The following CAMSAP2 variants were observed in gnomAD, a reference collection of about 807,000 sequenced individuals.
CAMSAP2 encodes calmodulin regulated spectrin associated protein family member 2.
CAMSAP2 carries 26 observed loss-of-function variants against 146.1 expected under a neutral mutation model. That is an observed-to-expected ratio of 0.18 (90% CI 0.13 to 0.25). The LOEUF is 0.25. Ranked by LOEUF, CAMSAP2 falls within the 10% of genes least tolerant of loss-of-function variation. The pLI, the probability that CAMSAP2 is intolerant of heterozygous loss-of-function variation, is 1.00. For missense variants in CAMSAP2, 1,381 were observed against 1,759.3 expected (o/e 0.78, Z 3.85); for synonymous variants, 499 against 596.6 (o/e 0.84, Z 2.38).
chr1:200,810,682 A>G (rs1037902141), intron 3 of CAMSAP2, among the ~76,000 whole-genome samples: 3 of 151,860 alleles, frequency 2.0e-5, no homozygotes. Flanking sequence ...TCAGGTCAGG[A>G]GTCGGAGACC....
chr1:200,764,028 G>A (rs567893616), intron 2 of CAMSAP2, among the ~76,000 whole-genome samples: 1 of 152,154 alleles, frequency 6.6e-6, no homozygotes, highest in African/African-American at 2.4e-5. Context: ...CCGAGATTGC[G>A]CCACTGCACT....
chr1:200,769,961 C>G (rs573456188), intron 2 of CAMSAP2, among the ~76,000 whole-genome samples: 1 of 152,234 alleles, frequency 6.6e-6, no homozygotes, highest in African/African-American at 2.4e-5. Context: ...GCCTAACACA[C>G]CCAAGATTAT....
At chr1:200,751,779 G>A (rs1453498368) in intron 1 of CAMSAP2, among the ~76,000 whole-genome samples, 1 of 152,122 alleles carries the variant, frequency 6.6e-6, no homozygotes, top group African/African-American at 2.4e-5. Context: ...CCTGGAATGA[G>A]GTAATTAAGA....
intron 2 of CAMSAP2, among the ~76,000 whole-genome samples, chr1:200,763,284 A>G (rs374434270): frequency 5.3e-5 from 8 of 152,282 alleles, no homozygotes; most frequent in African/African-American, 1.7e-4. Flanking sequence ...CACGCCTGTA[A>G]TCCCAGCACT....
intron 2 of CAMSAP2, among the ~76,000 whole-genome samples, chr1:200,788,384 A>AT (rs1474329450): frequency 6.6e-6 from 1 of 152,044 alleles, no homozygotes; most frequent in Non-Finnish European, 1.5e-5. Flanking sequence ...TTCAGCTCCT[A>AT]TAGGTATATA....
chr1:200,811,365 C>G (rs1666326966), intron 3 of CAMSAP2, among the ~76,000 whole-genome samples: 1 of 152,136 alleles, frequency 6.6e-6, no homozygotes, highest in African/African-American at 2.4e-5. Flanking sequence ...TGGGCCTCCC[C>G]CATTACCCTT....
intron 3 of CAMSAP2, among the ~76,000 whole-genome samples, chr1:200,814,828 TTAA>T (rs1171633533): frequency 4.6e-5 from 7 of 152,104 alleles, no homozygotes; most frequent in Non-Finnish European, 7.4e-5. Flanking sequence ...GCTAATGGCA[TTAA>T]TATTTTCTAC....
chr1:200,797,928 A>G (rs1415083091), intron 2 of CAMSAP2, among the ~76,000 whole-genome samples: 1 of 151,972 alleles, frequency 6.6e-6, no homozygotes, highest in Non-Finnish European at 1.5e-5. Flanking sequence ...TTAAATAGGG[A>G]ATCCTTTCCC....
At position 200,832,896 on chromosome 1, in the gene CAMSAP2, T is replaced by A; in HGVS notation, c.927+51T>A. 6.7e-7 allele frequency: 1 copy of A among 1,495,874 alleles called. No individual in the cohort carries two copies. The highest frequency in any genetic ancestry group is 1.8e-4 in the Middle Eastern group (1 of 5,610). 92.7% of individuals were successfully genotyped at this position (1,495,874 alleles called of 1,614,324 possible). A position where few individuals can be genotyped will look rare whatever the true frequency, so the allele number is the denominator to read the frequency against. ...CTTTGCTTTGTTAAAATATGTTTTT[T>A]TAAAAAACAAACAAAAACACCGGGA... On this transcript the variant is annotated intron_variant, in intron 6 of 16. Transcript: ENST00000358823. The surrounding 1 kb of genome is among the most constrained non-coding windows in gnomAD (Gnocchi z 4.2).
chr1:200,761,038 T>C lies in CAMSAP2; in HGVS notation c.339T>C (p.Tyr113=). 6.2e-7 allele frequency: 1 copy of C among 1,614,134 alleles called. No individual in the cohort carries two copies. The highest frequency in any genetic ancestry group is 1.1e-5 in the South Asian group (1 of 91,082). ...VIQALAQKGL[Y]VTDQEKLVTE... is the part of the protein sequence containing the mutation. ...AGGCTTTAGCACAGAAAGGTCTTTA[T>C]GTCACTGACCAGGAAAAATTGGTAA... The change falls in exon 2 of 17, where the codon TAT becomes TAC. Residue 113 remains tyrosine, a synonymous_variant. Transcript: ENST00000358823.
intron 3 of CAMSAP2, among the ~76,000 whole-genome samples, chr1:200,811,908 C>G (rs530445822): frequency 6.6e-6 from 1 of 152,260 alleles, no homozygotes; most frequent in East Asian, 1.9e-4. Context: ...TGCCCTTTCT[C>G]ACCTCTGAAC....
Position 200,849,388 on chromosome 1 carries a change from TGAA to T in CAMSAP2, c.2621_2623del (p.Glu874del). Reference sequence around the variant, plus strand: ...CAAGCCCCTCAGAAGAAACTTTAAATGAAGGAGAGATTTTAGAATATACCAAAT... The same window carrying T: ...CAAGCCCCTCAGAAGAAACTTTAAATGGAGAGATTTTAGAATATACCAAAT... On this transcript the variant is annotated inframe_deletion, in exon 11 of 17. Coordinates refer to ENST00000358823, the MANE Select transcript of CAMSAP2 (RefSeq NM_203459.4). The surrounding 1 kb of genome is among the most constrained non-coding windows in gnomAD (Gnocchi z 6.3). 2.5e-6 allele frequency: 4 copies of T among 1,614,052 alleles called. No homozygotes were observed. Among genetic ancestry groups the T allele is most frequent in the Non-Finnish European group, 3.4e-6 (4 of 1,179,982 alleles).
At position 200,845,826 on chromosome 1, in the gene CAMSAP2, T is replaced by C. The variant is rs537108990; in HGVS notation, c.1109+957T>C. ...AATATTTATTACAATATTAAATCTT[T>C]AATGTTTTAGTACATAGTATTAGGA... On this transcript the variant is annotated intron_variant, in intron 8 of 16. Transcript: ENST00000358823. Among the ~76,000 whole-genome samples, 5 of 152,326 alleles carry C rather than the reference T, an allele frequency of 3.3e-5. No homozygotes were observed. The East Asian group carries it at 9.6e-4, about 29-fold the overall frequency.
At chr1:200,774,876 A>C (rs899893938) in intron 2 of CAMSAP2, among the ~76,000 whole-genome samples, 1 of 152,232 alleles carries the variant, frequency 6.6e-6, no homozygotes, top group African/African-American at 2.4e-5. Flanking sequence ...ACATTTATTT[A>C]CCATATAATA....
Position 200,793,570 on chromosome 1 carries a change from G to C in CAMSAP2, c.400-13806G>C, listed in dbSNP as rs760373693. ...TGCTGCAGAGAAAGCTGCCTTGTTT[G>C]GATATTACTGATGGTAGGACAGTAT... On this transcript the variant is annotated intron_variant, in intron 2 of 16. Transcript: ENST00000358823. 3.6e-4 allele frequency among the ~76,000 whole-genome samples: 55 copies of C among 152,004 alleles called. 1 individual carries two copies. The highest frequency in any genetic ancestry group is 1.8e-4 in the Non-Finnish European group (12 of 67,994).
At chr1:200,774,741 A>G (rs1264410326) in intron 2 of CAMSAP2, among the ~76,000 whole-genome samples, 1 of 152,238 alleles carries the variant, frequency 6.6e-6, no homozygotes, top group Non-Finnish European at 1.5e-5. Context: ...GACAGAGGGA[A>G]TAAATACGAA....
chr1:200,814,609 CAAAA>C (rs1204730822), intron 3 of CAMSAP2, among the ~76,000 whole-genome samples: 4 of 24,130 alleles, frequency 1.7e-4, no homozygotes, highest in African/African-American at 1.7e-4. Flanking sequence ...GATTGCATCC[CAAAA>C]AAAAAAAAAA....
At chr1:200,819,398 T>A (rs1666690438) in intron 4 of CAMSAP2, among the ~76,000 whole-genome samples, 1 of 152,214 alleles carries the variant, frequency 6.6e-6, no homozygotes, top group Non-Finnish European at 1.5e-5. Flanking sequence ...CACAGGTGTC[T>A]TGTATTGTGT....
At chr1:200,749,524 G>A (rs191173879) in intron 1 of CAMSAP2, among the ~76,000 whole-genome samples, 1 of 152,180 alleles carries the variant, frequency 6.6e-6, no homozygotes, top group Admixed American at 6.5e-5. Flanking sequence ...TTAATACATA[G>A]GTGCCTCATA....
Sources: allele counts gnomAD v4.1 joint callset (sites outside exome capture counted in the v4.1 genomes callset), GRCh38; gene constraint gnomAD v4.1.1; non-coding constraint Gnocchi (gnomAD v3.1); transcripts MANE v1.5; gene names NCBI Gene and HGNC (gene_info 2026-07-23, HGNC 2026-07-21).